The following RGS6 variants were observed in gnomAD, a reference collection of about 807,000 sequenced individuals.
RGS6 encodes the protein regulator of G-protein signaling 6.
Under a neutral mutation model 78.5 loss-of-function variants are expected in RGS6, and 30 were observed. That is an observed-to-expected ratio of 0.38 (90% CI 0.29 to 0.52). RGS6 has a LOEUF of 0.52. Ranked by LOEUF, RGS6 falls within the 20% of genes least tolerant of loss-of-function variation. The pLI is 0.85. For missense variants in RGS6, 495 were observed against 609.7 expected, an observed-to-expected ratio of 0.81 and a Z score of 1.98; for synonymous variants, 206 against 206.0, an observed-to-expected ratio of 1.00 and a Z score of 0.00.
chr14:72,080,023 C>T (rs1224298960), intron 2 of RGS6, among the ~76,000 whole-genome samples: 1 of 152,104 alleles, frequency 6.6e-6, no homozygotes, highest in African/African-American at 2.4e-5. Context: ...CTTCAGCACA[C>T]TGATTTCAAT....
chr14:72,135,265 T>C (rs1486197512), intron 2 of RGS6, among the ~76,000 whole-genome samples: 1 of 152,168 alleles, frequency 6.6e-6, no homozygotes, highest in Admixed American at 6.5e-5. Context: ...AACTTTATAA[T>C]GATAAAGTTC....
At chr14:72,268,117 T>C (rs774397673) in intron 2 of RGS6, among the ~76,000 whole-genome samples, 1 of 152,208 alleles carries the variant, frequency 6.6e-6, no homozygotes, top group African/African-American at 2.4e-5. Flanking sequence ...TTTCCTGACA[T>C]TTTGACTTGT....
intron 2 of RGS6, among the ~76,000 whole-genome samples, chr14:72,063,157 A>G (rs1234486431): frequency 6.6e-6 from 1 of 152,120 alleles, no homozygotes; most frequent in Non-Finnish European, 1.5e-5. Context: ...GGGTACCGAG[A>G]GGAGAAAAGA....
intron 3 of RGS6, among the ~76,000 whole-genome samples, chr14:72,431,161 G>A (rs2094614869): frequency 1.3e-5 from 2 of 152,176 alleles, no homozygotes; most frequent in Admixed American, 1.3e-4. Flanking sequence ...AGGAATCTGG[G>A]TATGAGGATT....
intron 2 of RGS6, among the ~76,000 whole-genome samples, chr14:72,310,757 AG>A (rs1438255559): frequency 2.0e-5 from 3 of 152,134 alleles, no homozygotes; most frequent in Non-Finnish European, 4.4e-5. Flanking sequence ...TTCCACCACC[AG>A]CCTCCCCTGA....
At chr14:72,192,617 C>T (rs1438493173) in intron 2 of RGS6, among the ~76,000 whole-genome samples, 1 of 152,232 alleles carries the variant, frequency 6.6e-6, no homozygotes, top group East Asian at 1.9e-4. Context: ...TCCCCTCCTG[C>T]TCCTCCCTTA....
chr14:72,318,224 G>C (rs986935520), intron 2 of RGS6, among the ~76,000 whole-genome samples: 17 of 152,180 alleles, frequency 1.1e-4, no homozygotes, highest in Admixed American at 1.1e-3. Flanking sequence ...TGATATTCAA[G>C]GGCAGGAAGC....
chr14:72,108,289 G>T (rs927217688), intron 2 of RGS6, among the ~76,000 whole-genome samples: 4 of 152,006 alleles, frequency 2.6e-5, no homozygotes, highest in Admixed American at 6.6e-5. Context: ...TCAAATTCTA[G>T]TGATAATCCA....
chr14:72,547,633 C>G (rs906266129), intron 17 of RGS6, among the ~76,000 whole-genome samples: 2 of 152,028 alleles, frequency 1.3e-5, no homozygotes, highest in African/African-American at 4.8e-5. Context: ...TCATGTTTGC[C>G]CAAAGGTGGA....
chr14:72,406,776 C>A (rs200816533), intron 3 of RGS6, among the ~76,000 whole-genome samples: 1 of 152,182 alleles, frequency 6.6e-6, no homozygotes. Flanking sequence ...AGCCACCACA[C>A]AAATGTATTT....
rs549119167 is a variant in RGS6, at chr14:72,209,315, A to G, written c.85-142780A>G. On this transcript the variant is annotated intron_variant, in intron 2 of 17. Coordinates refer to ENST00000553525, the MANE Select transcript of RGS6 (RefSeq NM_001204424.2). ...GGCAGATAAAAAGTATACATATTCTATTCTTTAAAAGGCAATAATCATTTG... is the reference window on the plus strand; with the variant it reads ...GGCAGATAAAAAGTATACATATTCTGTTCTTTAAAAGGCAATAATCATTTG... 4.6e-5 allele frequency among the ~76,000 whole-genome samples: 7 copies of G among 152,214 alleles called. No homozygotes were observed. In the South Asian group the frequency reaches 1.4e-3, roughly 31 times the overall value.
chr14:71,992,546 A>G (rs1412033049), intron 2 of RGS6, among the ~76,000 whole-genome samples: 1 of 152,246 alleles, frequency 6.6e-6, no homozygotes, highest in Non-Finnish European at 1.5e-5. Flanking sequence ...GAACTCGGAT[A>G]AAGAACAGGT....
intron 1 of RGS6, among the ~76,000 whole-genome samples, chr14:71,953,691 A>T (rs912808569): frequency 1.3e-5 from 2 of 151,824 alleles, no homozygotes; most frequent in Non-Finnish European, 2.9e-5. Flanking sequence ...AACATTATTC[A>T]AAAGGGTCTA....
chr14:72,301,280 G>A (rs1205320052), intron 2 of RGS6, among the ~76,000 whole-genome samples: 1 of 152,208 alleles, frequency 6.6e-6, no homozygotes, highest in Non-Finnish European at 1.5e-5. Flanking sequence ...TACTCAGATT[G>A]ATGGGTTTCG....
intron 2 of RGS6, among the ~76,000 whole-genome samples, chr14:71,997,982 T>C (rs1047230316): frequency 6.6e-6 from 1 of 152,170 alleles, no homozygotes; most frequent in African/African-American, 2.4e-5. Context: ...TTGCCAAGGT[T>C]GAGGATGTGC....
At chr14:72,390,464 C>T (rs573533597) in intron 3 of RGS6, among the ~76,000 whole-genome samples, 1 of 151,984 alleles carries the variant, frequency 6.6e-6, no homozygotes, top group Admixed American at 6.5e-5. Context: ...TGAAAAAGTC[C>T]TCATTATAGA....
At chr14:71,974,407 T>G (rs752872925) in intron 2 of RGS6, among the ~76,000 whole-genome samples, 1 of 152,202 alleles carries the variant, frequency 6.6e-6, no homozygotes, top group Non-Finnish European at 1.5e-5. Context: ...TATATAGATA[T>G]AGACATACAC....
At chr14:72,171,511 G>A (rs990457439) in intron 2 of RGS6, among the ~76,000 whole-genome samples, 2 of 152,194 alleles carry the variant, frequency 1.3e-5, no homozygotes, top group East Asian at 1.9e-4. Context: ...CACTGTGATC[G>A]AGGTTTTACC....
At chr14:72,272,822 A>G (rs2060136932) in intron 2 of RGS6, among the ~76,000 whole-genome samples, 1 of 152,250 alleles carries the variant, frequency 6.6e-6, no homozygotes, top group African/African-American at 2.4e-5. Flanking sequence ...CTTTAAGAGA[A>G]TCGACTTGGA....
Sources: allele counts gnomAD v4.1 joint callset (sites outside exome capture counted in the v4.1 genomes callset), GRCh38; gene constraint gnomAD v4.1.1; transcripts MANE v1.5; gene names NCBI Gene and HGNC (gene_info 2026-07-23, HGNC 2026-07-21).